The following ICE2 variants were observed in gnomAD, a reference collection of about 807,000 sequenced individuals.
ICE2 encodes little elongation complex subunit 2.
ICE2 carries 87 observed loss-of-function variants against 105.4 expected under a neutral mutation model. The ratio of observed to expected loss-of-function variants is 0.83; its 90% CI spans 0.69 to 0.99. The LOEUF is 0.99. Ranked by LOEUF, ICE2 falls within the 50% of genes least tolerant of loss-of-function variation. ICE2 has a pLI of 0.00. For synonymous variants in ICE2, 399 were observed against 392.0 expected (o/e 1.02, Z -0.21); for missense variants, 1,323 against 1,146.7 (o/e 1.15, Z -2.22).
rs146178349 is a variant in ICE2 at position 60,454,851 on chromosome 15, A to T, written c.943+152T>A. On this transcript the variant is annotated intron_variant, in intron 8 of 15. Coordinates refer to ENST00000261520, the MANE Select transcript of ICE2 (RefSeq NM_024611.6). ...GGTATTTGTCCTAATGCTCTCTCTC[A>T]CCTTGCCCCCCACCCCCTGACAGGC... 1.1e-4 allele frequency: 65 copies of T among 596,864 alleles called. No homozygotes were observed. The African/African-American group carries it at 1.3e-3, about 12-fold the overall frequency. 37.0% of individuals were successfully genotyped at this position (596,864 alleles called of 1,614,324 possible). A position where few individuals can be genotyped will look rare whatever the true frequency, so the allele number is the denominator to read the frequency against.
At chr15:60,462,392 G>C (rs1000854800) in intron 5 of ICE2, among the ~76,000 whole-genome samples, 3 of 152,084 alleles carry the variant, frequency 2.0e-5, no homozygotes, top group African/African-American at 4.8e-5. Flanking sequence ...CTTGAAAACT[G>C]CTAAGAGAGT....
chr15:60,443,398 A>T (rs2141039695), intron 11 of ICE2, among the ~76,000 whole-genome samples: 1 of 152,374 alleles, frequency 6.6e-6, no homozygotes, highest in East Asian at 1.9e-4. Context: ...AAAATATTTC[A>T]TCAGTATTTC....
chr15:60,426,859 C>G (rs921040490), intron 15 of ICE2, among the ~76,000 whole-genome samples: 1 of 152,198 alleles, frequency 6.6e-6, no homozygotes, highest in Non-Finnish European at 1.5e-5. Context: ...TAGAAAAACA[C>G]AGATCCTTCA....
At chr15:60,461,809 T>C (rs2064286181) in intron 5 of ICE2, among the ~76,000 whole-genome samples, 1 of 152,170 alleles carries the variant, frequency 6.6e-6, no homozygotes, top group South Asian at 2.1e-4. Context: ...TGAAATATCA[T>C]TTCACACTAA....
In ICE2 at chr15:60,421,494, T is replaced by C. The variant is rs1226727996; in HGVS notation, c.*2140A>G. The C allele has an allele frequency of 1.3e-5, 2 of 152,342 alleles. No homozygotes were observed. Among genetic ancestry groups the C allele is most frequent in the East Asian group, 3.9e-4 (2 of 5,194 alleles). The allele number at this position is 152,342 out of a possible 1,614,324, so 9.4% of individuals were successfully genotyped here. A position where few individuals can be genotyped will look rare whatever the true frequency, so the allele number is the denominator to read the frequency against. ...AAGCACAAGCAAAAAACTACCTTTATATATGATGTTATTCAAATACATGGA... is the reference window on the plus strand; with the variant it reads ...AAGCACAAGCAAAAAACTACCTTTACATATGATGTTATTCAAATACATGGA... On this transcript the variant is annotated 3_prime_UTR_variant, in exon 16 of 16. Transcript: ENST00000261520.
At position 60,476,143 on chromosome 15, in the gene ICE2, A is replaced by C; in HGVS notation, c.66T>G (p.Leu22=). 6.2e-7 allele frequency: 1 copy of C among 1,602,240 alleles called. No individual in the cohort carries two copies. Among genetic ancestry groups the C allele is most frequent in the South Asian group, 1.1e-5 (1 of 88,718 alleles). Residue 22 remains leucine, a synonymous_variant, in exon 3 of 16, where the codon CTT becomes CTG. Coordinates refer to ENST00000261520, the MANE Select transcript of ICE2 (RefSeq NM_024611.6). ...LNWDISPKNG[L]KTFFSRENYK... ...AATTTTCTCGAGAGAAAAATGTCTT[A>C]AGGCCATTTTTGGGGGAAATATCCC...
intron 5 of ICE2, among the ~76,000 whole-genome samples, chr15:60,465,750 CTTTT>C (rs201899350): frequency 3.3e-4 from 42 of 127,006 alleles, no homozygotes; most frequent in Non-Finnish European, 5.2e-4. Context: ...ATACTTTATT[CTTTT>C]TTTTTTTTTT....
chr15:60,443,216 A>G (rs986088938), intron 11 of ICE2: 1 of 152,198 alleles, frequency 6.6e-6, no homozygotes, highest in Non-Finnish European at 1.5e-5. Flanking sequence ...AAAGAAATAC[A>G]TGTTGTTCAC....
chr15:60,419,868 T>G lies in ICE2; in HGVS notation c.*3766A>C, dbSNP rs1302857282. ...CCTCTCCCTCCCCTAAACCTGTTCA[T>G]AGCATATGTGATTTAAAAATATGTT... On this transcript the variant is annotated 3_prime_UTR_variant, in exon 16 of 16. Transcript: ENST00000261520. The G allele has an allele frequency of 6.6e-6, 1 of 152,228 alleles. No homozygotes were observed. The highest frequency in any genetic ancestry group is 2.4e-5 in the African/African-American group (1 of 41,458). The allele number at this position is 152,228 out of a possible 1,614,324, so 9.4% of individuals were successfully genotyped here.
intron 14 of ICE2, among the ~76,000 whole-genome samples, chr15:60,431,208 G>T (rs1178468723): frequency 6.6e-6 from 1 of 151,652 alleles, no homozygotes; most frequent in Non-Finnish European, 1.5e-5. Context: ...TCTTGAAAGT[G>T]AAAATAATAT....
At chr15:60,453,365 C>A (rs1478553360) in intron 9 of ICE2, 7 of 1,286,508 alleles carry the variant, frequency 5.4e-6, no homozygotes, top group African/African-American at 1.5e-5. Flanking sequence ...TCAAACTTAA[C>A]CCTCATAATA....
chr15:60,444,762 G>C (rs2063787216), intron 11 of ICE2, among the ~76,000 whole-genome samples: 1 of 152,016 alleles, frequency 6.6e-6, no homozygotes, highest in African/African-American at 2.4e-5. Flanking sequence ...TCAGCTCACT[G>C]CAACTTCCAC....
Position 60,423,781 on chromosome 15 carries a change from A to G in ICE2, c.2821-19T>C, listed in dbSNP as rs756847103. The G allele has an allele frequency of 5.8e-6, 9 of 1,561,490 alleles. No homozygotes were observed. The South Asian group carries it at 9.9e-5, about 17-fold the overall frequency. ...CACCAATCTAAGAGATGAAGCAGAG[A>G]ACAGAATAGCTTAATGTATCTACAA... On this transcript the variant is annotated intron_variant, in intron 15 of 15. Transcript: ENST00000261520.
intron 5 of ICE2, among the ~76,000 whole-genome samples, chr15:60,459,052 A>G (rs1021701310): frequency 6.6e-6 from 1 of 152,186 alleles, no homozygotes; most frequent in Non-Finnish European, 1.5e-5. Flanking sequence ...CTGCATAACA[A>G]TGTAAATGTA....
intron 9 of ICE2, chr15:60,451,292 T>A: frequency 1.3e-6 from 1 of 757,760 alleles, no homozygotes; most frequent in Non-Finnish European, 1.6e-6. Flanking sequence ...AAGATACACT[T>A]TTTCCCTTCC....
At chr15:60,476,285 A>G in intron 2 of ICE2, 118 bp from the exon 3 acceptor site, 1 of 641,840 alleles carries the variant, frequency 1.6e-6, no homozygotes, top group African/African-American at 1.9e-5. Context: ...CCATCCCCAG[A>G]CAATCTCTTC....
At chr15:60,478,772 A>G in intron 1 of ICE2, 1 of 353,672 alleles carries the variant, frequency 2.8e-6, no homozygotes, top group East Asian at 8.1e-5. Context: ...ATAGTCGAGG[A>G]AGGCAAAAGA....
At chr15:60,478,694 G>T (rs1386755767) in intron 1 of ICE2, 2 of 337,756 alleles carry the variant, frequency 5.9e-6, no homozygotes, top group Non-Finnish European at 1.2e-5. Context: ...TCTCGACACC[G>T]AACGGGCCCG....
At chr15:60,445,838 A>C in intron 11 of ICE2, 1 of 932,810 alleles carries the variant, frequency 1.1e-6, no homozygotes, top group Non-Finnish European at 1.3e-6. Context: ...GTAGGAAGTT[A>C]AAGAAATGAG....
Sources: allele counts gnomAD v4.1 joint callset (sites outside exome capture counted in the v4.1 genomes callset), GRCh38; gene constraint gnomAD v4.1.1; transcripts MANE v1.5; gene names NCBI Gene and HGNC (gene_info 2026-07-23, HGNC 2026-07-21).